Variants in COL23A1 observed in about 807,000 individuals in gnomAD.
The protein encoded by COL23A1 is collagen type XXIII alpha 1 chain.
In COL23A1, 97 loss-of-function variants were observed where a neutral mutation model predicts 99.3. The ratio of observed to expected loss-of-function variants is 0.98; its 90% confidence interval spans 0.83 to 1.16. COL23A1 has a LOEUF of 1.16. Among genes scored for constraint, COL23A1 ranks in the 50% most tolerant of loss-of-function variants. The pLI, the probability that COL23A1 is intolerant of heterozygous loss-of-function variation, is 0.00. For missense variants in COL23A1, 762 were observed against 757.4 expected (o/e 1.01, Z -0.07); for synonymous variants, 320 against 308.2 (o/e 1.04, Z -0.40).
At chr5:178,474,016 G>A (rs888516141) in intron 2 of COL23A1, among the ~76,000 whole-genome samples, 2 of 152,142 alleles carry the variant, frequency 1.3e-5, no homozygotes, top group Non-Finnish European at 2.9e-5. Context: ...CTCACCCCCG[G>A]CCACAGGAAA....
Position 178,384,010 on chromosome 5 carries a change from A to C in COL23A1, c.362-77091T>G, listed in dbSNP as rs768666524. Reference sequence around the variant, plus strand: ...TTAGCAAACGAGGCCACGCTGTGTGACACGGGGGCCCAGGACTCCACCAGG... The same window carrying C: ...TTAGCAAACGAGGCCACGCTGTGTGCCACGGGGGCCCAGGACTCCACCAGG... On this transcript the variant is annotated intron_variant, in intron 2 of 28. Coordinates refer to ENST00000390654, the MANE Select transcript of COL23A1 (RefSeq NM_173465.4). This position sits in a 1 kb window ranked among gnomAD's most constrained non-coding sequence, Gnocchi z 5.5. Among the ~76,000 whole-genome samples, 8 of 152,214 alleles carry C rather than the reference A, an allele frequency of 5.3e-5. No individual in the cohort carries two copies. The highest frequency in any genetic ancestry group is 1.0e-4 in the Non-Finnish European group (7 of 68,028).
chr5:178,469,211 G>A (rs1756604967), intron 2 of COL23A1, among the ~76,000 whole-genome samples: 1 of 152,170 alleles, frequency 6.6e-6, no homozygotes, highest in South Asian at 2.1e-4. Context: ...CTGAACCTAG[G>A]TGTACAAATA....
intron 1 of COL23A1, among the ~76,000 whole-genome samples, chr5:178,581,392 T>G (rs942464619): frequency 1.2e-4 from 18 of 151,750 alleles, no homozygotes; most frequent in African/African-American, 3.6e-4. Flanking sequence ...ATGGTGAAAC[T>G]CCAACTCTAC....
Position 178,270,382 on chromosome 5 carries a change from A to C in COL23A1, c.442-19T>G, listed in dbSNP as rs749716927. On this transcript the variant is annotated intron_variant, in intron 5 of 28. Coordinates refer to ENST00000390654, the MANE Select transcript of COL23A1 (RefSeq NM_173465.4). ...GGGGTCCCTGGAAAACGAGAGAGAG[A>C]GAACACAGGTTACACACGGGGATGA... 5.6e-6 allele frequency: 9 copies of C among 1,613,786 alleles called. No homozygotes were observed. Among genetic ancestry groups the C allele is most frequent in the Non-Finnish European group, 7.6e-6 (9 of 1,179,910 alleles).
At chr5:178,377,349 A>C (rs1439098370) in intron 2 of COL23A1, among the ~76,000 whole-genome samples, 1 of 149,330 alleles carries the variant, frequency 6.7e-6, no homozygotes, top group East Asian at 1.9e-4. Context: ...GGAAGGCATG[A>C]ACTGCCTGGT....
chr5:178,306,580 A>T lies in COL23A1; in HGVS notation c.406+295T>A, dbSNP rs1390674075. On this transcript the variant is annotated intron_variant, in intron 3 of 28. Transcript: ENST00000390654. This position sits in a 1 kb window ranked among gnomAD's most constrained non-coding sequence, Gnocchi z 4.1. ...TGGCGGAGTCATCACCTTCTGCCTC[A>T]GAGAGAGGGGGCTGCTCTGGAGTGG... 7.6e-6 allele frequency among the ~76,000 whole-genome samples: 1 copy of T among 131,036 alleles called. No homozygotes were observed. Among genetic ancestry groups the T allele is most frequent in the African/African-American group, 2.9e-5 (1 of 34,164 alleles). The allele number at this position is 131,036 out of a possible 152,430, so 86.0% of individuals were successfully genotyped here.
At chr5:178,269,795 G>GCATCCATC (rs112165051) in intron 6 of COL23A1, among the ~76,000 whole-genome samples, 43,069 of 141,692 alleles carry the variant, frequency 0.3, 6,653 homozygotes, top group East Asian at 0.63. Flanking sequence ...TATCCAGTCA[G>GCATCCATC]CATCCATCCA....
intron 2 of COL23A1, among the ~76,000 whole-genome samples, chr5:178,552,706 T>TAA (rs60501006): frequency 7.4e-6 from 1 of 136,004 alleles, no homozygotes; most frequent in Non-Finnish European, 1.6e-5. Context: ...CAAAAAAAAT[T>TAA]AAAAAAAAAA....
chr5:178,305,006 T>C (rs980370069), intron 3 of COL23A1, among the ~76,000 whole-genome samples: 2 of 152,220 alleles, frequency 1.3e-5, no homozygotes, highest in Admixed American at 6.5e-5. Context: ...AATAATATCA[T>C]ACTTTGTCCT....
chr5:178,259,191 G>A (rs1765495876), intron 12 of COL23A1, among the ~76,000 whole-genome samples: 3 of 152,320 alleles, frequency 2.0e-5, no homozygotes, highest in Admixed American at 2.0e-4. Flanking sequence ...AAAGTGCTGG[G>A]ATTGCAGGCA....
chr5:178,313,762 T>C lies in COL23A1; in HGVS notation c.362-6843A>G, dbSNP rs527695674. ...AACTTTGGGAGGAAGTGGGGTGAGA[T>C]GGCCTGAATCCTCCCAGACCTTCAG... On this transcript the variant is annotated intron_variant, in intron 2 of 28. Coordinates refer to ENST00000390654, the MANE Select transcript of COL23A1 (RefSeq NM_173465.4). This position sits in a 1 kb window ranked among gnomAD's most constrained non-coding sequence, Gnocchi z 4.2. Among the ~76,000 whole-genome samples the C allele has an allele frequency of 2.0e-4, 31 of 152,146 alleles. No individual in the cohort carries two copies. Among genetic ancestry groups the C allele is most frequent in the African/African-American group, 7.5e-4 (31 of 41,526 alleles).
intron 2 of COL23A1, among the ~76,000 whole-genome samples, chr5:178,375,140 C>T (rs1039551838): frequency 3.3e-5 from 5 of 152,116 alleles, no homozygotes; most frequent in African/African-American, 4.8e-5. Flanking sequence ...ACCTTGAAAA[C>T]ATGATGGGAA....
At chr5:178,259,406 C>A (rs897592909) in intron 12 of COL23A1, among the ~76,000 whole-genome samples, 1 of 152,156 alleles carries the variant, frequency 6.6e-6, no homozygotes, top group Non-Finnish European at 1.5e-5. Context: ...GTCTGGTGGG[C>A]CCCAGGACCA....
chr5:178,278,077 A>AAT (rs1756692283), intron 5 of COL23A1, among the ~76,000 whole-genome samples: 1 of 152,210 alleles, frequency 6.6e-6, no homozygotes, highest in Non-Finnish European at 1.5e-5. Flanking sequence ...CAGAGTAGGG[A>AAT]GCAGCAGCTG....
At position 178,263,249 on chromosome 5, in the gene COL23A1, C is replaced by T. The variant is rs371953467; in HGVS notation, c.598G>A (p.Asp200Asn). 44 of 1,613,534 alleles carry T rather than the reference C, an allele frequency of 2.7e-5. No individual in the cohort carries two copies. Among genetic ancestry groups the T allele is most frequent in the South Asian group, 5.5e-5 (5 of 91,070 alleles). Residue 200 changes from aspartate to asparagine, a missense_variant, in exon 9 of 29, where the codon GAC (aspartate) becomes AAC (asparagine). Asp to Asn is a conservative substitution (Grantham distance 23). Transcript: ENST00000390654. ...CCCCTGGGGCCATCTTTCCCAGTGT[C>T]GCCAGGAGGGCCCCGGGCCCCAGGA... ...GPPGARGPPG[D>N]TGKDGPRGAQ...
intron 1 of COL23A1, among the ~76,000 whole-genome samples, chr5:178,581,573 A>C (rs1270393695): frequency 7.0e-6 from 1 of 143,300 alleles, no homozygotes; most frequent in East Asian, 1.9e-4. Flanking sequence ...CTCAAAAAAA[A>C]AAAAAAAAAT....
intron 2 of COL23A1, among the ~76,000 whole-genome samples, chr5:178,416,184 G>T (rs547990799): frequency 6.6e-6 from 1 of 152,268 alleles, no homozygotes; most frequent in Admixed American, 6.5e-5. Flanking sequence ...GAGCATCCAG[G>T]TTGTTGTACA....
chr5:178,239,157 G>A lies in COL23A1; in HGVS notation c.1604C>T (p.Pro535Leu). ...CPVGPDGLPV[P>L]GCWHK ...GCACGGTACCTTATGCCAGCAGCCA[G>A]GCACAGGCAGCCCGTCGGGGCCCTG... The change falls in exon 28 of 29, where the codon CCT becomes CTT. Residue 535 changes from proline to leucine, a missense_variant. Pro to Leu is a moderately conservative substitution (Grantham distance 98). Transcript: ENST00000390654. 5 of 1,613,980 alleles carry A rather than the reference G, an allele frequency of 3.1e-6. No individual in the cohort carries two copies. The highest frequency in any genetic ancestry group is 2.2e-5 in the East Asian group (1 of 44,870).
Position 178,279,196 on chromosome 5 carries a change from G to GGGT in COL23A1, c.442-8834_442-8833insACC, listed in dbSNP as rs764034184. Among the ~76,000 whole-genome samples, 336 of 152,330 alleles carry GGGT rather than the reference G, an allele frequency of 2.2e-3. 1 individual carries two copies. The highest frequency in any genetic ancestry group is 3.9e-3 in the Non-Finnish European group (268 of 68,030). ...CTGTACCCCTGGCCTGGCATTCAAGGACAACCTCTTCCTCCTGAGCGCCTC... is the reference window on the plus strand; with the variant it reads ...CTGTACCCCTGGCCTGGCATTCAAGGGGTACAACCTCTTCCTCCTGAGCGCCTC... On this transcript the variant is annotated intron_variant, in intron 5 of 28. Coordinates refer to ENST00000390654, the MANE Select transcript of COL23A1 (RefSeq NM_173465.4).
Sources: allele counts gnomAD v4.1 joint callset (sites outside exome capture counted in the v4.1 genomes callset), GRCh38; gene constraint gnomAD v4.1.1; non-coding constraint Gnocchi (gnomAD v3.1); transcripts MANE v1.5; gene names NCBI Gene and HGNC (gene_info 2026-07-23, HGNC 2026-07-21).